Variants in PLA2G4C observed in about 807,000 individuals in gnomAD.
PLA2G4C encodes the protein phospholipase A2 group IVC.
A neutral mutation model predicts 73.8 loss-of-function variants in PLA2G4C; 64 were observed. That is an observed-to-expected ratio of 0.87 (90% CI 0.71 to 1.07). PLA2G4C has a LOEUF of 1.07. Among genes scored for constraint, PLA2G4C ranks in the 50% least tolerant of loss-of-function variants. The pLI, the probability that PLA2G4C is intolerant of heterozygous loss-of-function variation, is 0.00. For synonymous variants in PLA2G4C, 254 were observed against 252.1 expected, an observed-to-expected ratio of 1.01 and a Z score of -0.07; for missense variants, 622 against 665.4, an observed-to-expected ratio of 0.93 and a Z score of 0.72.
intron 1 of PLA2G4C, among the ~76,000 whole-genome samples, chr19:48,106,874 C>T (rs1219534588): frequency 6.6e-6 from 1 of 152,076 alleles, no homozygotes; most frequent in Non-Finnish European, 1.5e-5. Flanking sequence ...GATGAAGTTT[C>T]CCTCTTGTTG....
chr19:48,099,635 AC>A, intron 5 of PLA2G4C, 35 bp downstream of exon 5: 1 of 1,538,108 alleles, frequency 6.5e-7, no homozygotes. Context: ...CCTTGCTCCT[AC>A]CCCCACCCCA....
chr19:48,088,030 C>T (rs1386328479), intron 9 of PLA2G4C, among the ~76,000 whole-genome samples: 3 of 152,070 alleles, frequency 2.0e-5, no homozygotes, highest in African/African-American at 7.2e-5. Flanking sequence ...TTGGGTGTTG[C>T]ATTTACTCAC....
intron 10 of PLA2G4C, among the ~76,000 whole-genome samples, chr19:48,078,887 T>TTTTTA (rs2030348843): frequency 6.6e-6 from 1 of 151,140 alleles, no homozygotes. Flanking sequence ...TTTTTTTTTT[T>TTTTTA]GAGACTTAGT....
chr19:48,099,883 G>A, intron 4 of PLA2G4C, 23 bp from the exon 5 acceptor site: 5 of 1,562,622 alleles, frequency 3.2e-6, no homozygotes, highest in Non-Finnish European at 4.4e-6. Flanking sequence ...GGAAGAGAGT[G>A]AGTTGGGCAT....
At chr19:48,060,257 G>A (rs970392166) in intron 14 of PLA2G4C, among the ~76,000 whole-genome samples, 1 of 151,988 alleles carries the variant, frequency 6.6e-6, no homozygotes, top group African/African-American at 2.4e-5. Flanking sequence ...TACCAATTAC[G>A]AATAAGGTCT....
At chr19:48,055,161 A>C in intron 14 of PLA2G4C, 112 bp from the exon 15 acceptor site, 2 of 957,222 alleles carry the variant, frequency 2.1e-6, no homozygotes, top group Non-Finnish European at 3.2e-6. Context: ...CAGACACACA[A>C]CAGAGCAAGG....
intron 14 of PLA2G4C, among the ~76,000 whole-genome samples, chr19:48,056,170 A>T (rs887462543): frequency 3.3e-5 from 5 of 152,128 alleles, no homozygotes; most frequent in Admixed American, 3.3e-4. Context: ...CTAAACTTAC[A>T]TAAAACACAT....
Position 48,098,177 on chromosome 19 carries a change from T to C in PLA2G4C, c.530A>G (p.Asn177Ser), listed in dbSNP as rs201422811. ...LPYPIFAAIDNDLQPSWQEAR... is the reference protein window; with the variant it reads ...LPYPIFAAIDSDLQPSWQEAR... ...CTCCTGCCAGGAAGGTTGCAGGTCATTGTCAATGGCTGCAAATATTGGGTA... is the reference window on the plus strand; with the variant it reads ...CTCCTGCCAGGAAGGTTGCAGGTCACTGTCAATGGCTGCAAATATTGGGTA... Residue 177 changes from asparagine (N) to serine (S), a missense_variant, in exon 6 of 17, where the codon AAT (asparagine) becomes AGT (serine). Physicochemically the swap from Asn to Ser is conservative, Grantham distance 46. Coordinates refer to ENST00000599921, the MANE Select transcript of PLA2G4C (RefSeq NM_003706.3). 6.2e-7 allele frequency: 1 copy of C among 1,613,944 alleles called. No homozygotes were observed. The highest frequency in any genetic ancestry group is 8.5e-7 in the Non-Finnish European group (1 of 1,179,932).
chr19:48,061,768 GA>G (rs768996746), intron 14 of PLA2G4C: 53 of 517,216 alleles, frequency 1.0e-4, no homozygotes, highest in African/African-American at 8.7e-4. Context: ...CATCTGCCAG[GA>G]AGAGGGGCCC....
In PLA2G4C at chr19:48,098,286, T is replaced by G. The variant is rs373664917; in HGVS notation, c.448-27A>C. The G allele has an allele frequency of 6.2e-5, 98 of 1,592,776 alleles. No homozygotes were observed. In the African/African-American group the frequency reaches 8.4e-4, roughly 14 times the overall value. ...TTTGGGAGAAGGTGCCAAGACAGTG[T>G]GAGGGAGGCATGTGGGTCCCACAGG... On this transcript the variant is annotated intron_variant, in intron 5 of 16. Coordinates refer to ENST00000599921, the MANE Select transcript of PLA2G4C (RefSeq NM_003706.3).
chr19:48,069,151 G>A (rs1280074858), intron 12 of PLA2G4C, among the ~76,000 whole-genome samples: 2 of 152,064 alleles, frequency 1.3e-5, no homozygotes, highest in Non-Finnish European at 2.9e-5. Context: ...AGCTGGGAAA[G>A]GTTGGCATAC....
chr19:48,063,312 C>G (rs4802428), intron 13 of PLA2G4C, among the ~76,000 whole-genome samples: 122,151 of 151,992 alleles, frequency 0.8, 49,148 homozygotes, highest in Middle Eastern at 0.88. Context: ...AAAGTGCTGG[C>G]ATTACAGGCG....
At chr19:48,061,932 C>G in intron 14 of PLA2G4C, 66 bp downstream of exon 14, 1 of 1,550,110 alleles carries the variant, frequency 6.5e-7, no homozygotes, top group Non-Finnish European at 8.9e-7. Flanking sequence ...TCAGTTCCTC[C>G]GCAAAGTCAG....
Position 48,058,772 on chromosome 19 carries a change from C to T in PLA2G4C, c.1257+3226G>A, listed in dbSNP as rs186179659. On this transcript the variant is annotated intron_variant, in intron 14 of 16. Coordinates refer to ENST00000599921, the MANE Select transcript of PLA2G4C (RefSeq NM_003706.3). ...GGCGAAGGTTGCAGTGAGCCAAGATCGCACCACAGCACACCAGCCTGGGCG... is the reference window on the plus strand; with the variant it reads ...GGCGAAGGTTGCAGTGAGCCAAGATTGCACCACAGCACACCAGCCTGGGCG... Among the ~76,000 whole-genome samples the T allele has an allele frequency of 4.0e-3, 601 of 148,866 alleles. 12 individuals carry two copies. Among genetic ancestry groups the T allele is most frequent in the East Asian group, 0.03 (150 of 4,936 alleles).
intron 13 of PLA2G4C, among the ~76,000 whole-genome samples, chr19:48,063,097 T>C (rs1033087241): frequency 6.6e-6 from 1 of 152,024 alleles, no homozygotes; most frequent in East Asian, 1.9e-4. Context: ...CAGGCGGGAG[T>C]GCAGTGGCGC....
chr19:48,057,447 C>T (rs947620463), intron 14 of PLA2G4C, among the ~76,000 whole-genome samples: 2 of 128,338 alleles, frequency 1.6e-5, no homozygotes, highest in African/African-American at 2.8e-5. Flanking sequence ...GATGCAGTCT[C>T]AACAAGTGTT....
chr19:48,048,677 T>C (rs904281401), intron 16 of PLA2G4C, among the ~76,000 whole-genome samples: 1 of 152,208 alleles, frequency 6.6e-6, no homozygotes, highest in African/African-American at 2.4e-5. Flanking sequence ...TCGAATGTCA[T>C]GATACCTGCC....
rs757248550 is a variant in PLA2G4C, at chr19:48,090,386, T to C, written c.741A>G (p.Glu247=). The change falls in exon 8 of 17, where the codon GAA becomes GAG. Residue 247 remains glutamate, a synonymous_variant. Transcript: ENST00000599921. ...CACCAAAAATGTATTCCCTAATGAC[T>C]TCAGTGTTACCAAGAGCACTTCCCC... ...GLWGSALGNT[E]VIREYIFDQL... The C allele has an allele frequency of 6.2e-7, 1 of 1,612,574 alleles. No homozygotes were observed. The highest frequency in any genetic ancestry group is 1.7e-5 in the Admixed American group (1 of 60,032).
At chr19:48,082,403 G>T (rs1331832367) in intron 10 of PLA2G4C, among the ~76,000 whole-genome samples, 1 of 151,598 alleles carries the variant, frequency 6.6e-6, no homozygotes, top group East Asian at 1.9e-4. Flanking sequence ...GATACACGTC[G>T]GTTAGGTCAA....
Sources: allele counts gnomAD v4.1 joint callset (sites outside exome capture counted in the v4.1 genomes callset), GRCh38; gene constraint gnomAD v4.1.1; transcripts MANE v1.5; gene names NCBI Gene and HGNC (gene_info 2026-07-23, HGNC 2026-07-21).